Variants in SS18L1 observed in about 807,000 individuals in gnomAD.
SS18L1 encodes SS18L1 subunit of BAF chromatin remodeling complex, also known as calcium-responsive transactivator.
A neutral mutation model predicts 70.3 loss-of-function variants in SS18L1; 32 were observed. The observed-to-expected ratio is 0.46, with a 90% CI of 0.34 to 0.61. SS18L1 has a LOEUF of 0.61. SS18L1 is among the 20% of genes least tolerant of loss of function. The probability of loss-of-function intolerance (pLI) is 0.01; values close to 1 mark genes in which losing one functional copy is unlikely to be tolerated. For missense variants in SS18L1, 430 were observed against 542.1 expected, an observed-to-expected ratio of 0.79 and a Z score of 2.05; for synonymous variants, 237 against 229.7, an observed-to-expected ratio of 1.03 and a Z score of -0.29.
chr20:62,172,602 C>A (rs1601051246), intron 8 of SS18L1, 80 bp from the exon 9 acceptor site: 1 of 1,599,638 alleles, frequency 6.3e-7, no homozygotes. Context: ...TCCAAAGTTA[C>A]CGTGTCGTGA....
At chr20:62,163,780 C>G (rs1022649027) in intron 6 of SS18L1, among the ~76,000 whole-genome samples, 158 bp downstream of exon 6, 77 of 151,844 alleles carry the variant, frequency 5.1e-4, no homozygotes, top group African/African-American at 1.8e-3. Flanking sequence ...AGTGTGGACC[C>G]TGGGGGTGAG....
At chr20:62,150,850 A>G (rs1421316657) in intron 1 of SS18L1, among the ~76,000 whole-genome samples, 1 of 151,492 alleles carries the variant, frequency 6.6e-6, no homozygotes. Context: ...AAACGTTATC[A>G]GGTGTGTGCA....
intron 1 of SS18L1, among the ~76,000 whole-genome samples, chr20:62,145,886 T>C (rs1203270399): frequency 1.3e-5 from 2 of 152,178 alleles, no homozygotes; most frequent in South Asian, 2.1e-4. Flanking sequence ...GTGTCCACAG[T>C]GTGTGCTGGT....
rs1418671307 is a variant in SS18L1 at position 62,158,130 on chromosome 20, T to C, written c.70-542T>C. On this transcript the variant is annotated intron_variant, in intron 1 of 10. Transcript: ENST00000331758. This position sits in a 1 kb window ranked among gnomAD's most constrained non-coding sequence, Gnocchi z 4.5. ...CTCTTGTGGGGTGCCCACAGGGTCC[T>C]GACATCCTTGCCATCGGCTTGGCTG... Among the ~76,000 whole-genome samples the C allele has an allele frequency of 6.6e-6, 1 of 152,162 alleles. No individual in the cohort carries two copies. Among genetic ancestry groups the C allele is most frequent in the African/African-American group, 2.4e-5 (1 of 41,434 alleles).
intron 8 of SS18L1, among the ~76,000 whole-genome samples, chr20:62,168,510 A>G (rs2057474270): frequency 6.6e-6 from 1 of 152,018 alleles, no homozygotes; most frequent in Admixed American, 6.6e-5. Flanking sequence ...GGCCGGGTGC[A>G]GTGGCTCCCA....
chr20:62,163,351 C>A, intron 5 of SS18L1, 107 bp from the exon 6 acceptor site: 1 of 1,508,988 alleles, frequency 6.6e-7, no homozygotes, highest in South Asian at 1.2e-5. Context: ...TCGTGGGGAG[C>A]ACAGGAAAAT....
intron 8 of SS18L1, among the ~76,000 whole-genome samples, chr20:62,166,137 G>C (rs934759846): frequency 6.6e-6 from 1 of 152,210 alleles, no homozygotes; most frequent in African/African-American, 2.4e-5. Flanking sequence ...TGTGGAGTTG[G>C]GAAGAGGTAC....
chr20:62,179,095 C>T (rs1263947025), intron 10 of SS18L1, 87 bp from the exon 11 acceptor site: 1 of 1,477,782 alleles, frequency 6.8e-7, no homozygotes, highest in East Asian at 2.3e-5. Context: ...TGTTGTCCCT[C>T]CTACCCCCTG....
At chr20:62,155,752 G>A (rs906990048) in intron 1 of SS18L1, among the ~76,000 whole-genome samples, 1 of 152,182 alleles carries the variant, frequency 6.6e-6, no homozygotes, top group Non-Finnish European at 1.5e-5. Context: ...GCCTTGTGGG[G>A]CTTCGCAGCA....
intron 1 of SS18L1, among the ~76,000 whole-genome samples, chr20:62,153,553 G>A (rs1484164303): frequency 6.6e-6 from 1 of 152,106 alleles, no homozygotes; most frequent in East Asian, 1.9e-4. Context: ...CTCGGGGGTT[G>A]GATCTGCCTC....
rs772462311 is a variant in SS18L1 at position 62,158,932 on chromosome 20, C to G, written c.146+184C>G. 6.3e-7 allele frequency: 1 copy of G among 1,591,188 alleles called. No homozygotes were observed. Among genetic ancestry groups the G allele is most frequent in the Admixed American group, 1.7e-5 (1 of 59,496 alleles). On this transcript the variant is annotated intron_variant, in intron 2 of 10. Coordinates refer to ENST00000331758, the MANE Select transcript of SS18L1 (RefSeq NM_198935.3). The surrounding 1 kb of genome is among the most constrained non-coding windows in gnomAD (Gnocchi z 4.5). ...AGGCCAGATATGTCCCAGGAGTCCC[C>G]CAGCACGGAGGTCAGATATGTCCCG...
Position 62,159,028 on chromosome 20 carries a change from A to T in SS18L1, c.146+280A>T. 1 of 1,455,392 alleles carries T rather than the reference A, an allele frequency of 6.9e-7. No homozygotes were observed. The allele number at this position is 1,455,392 out of a possible 1,614,324, so 90.2% of individuals were successfully genotyped here. On this transcript the variant is annotated intron_variant, in intron 2 of 10. Transcript: ENST00000331758. The surrounding 1 kb of genome is among the most constrained non-coding windows in gnomAD (Gnocchi z 4.4). Reference sequence around the variant, plus strand: ...GCACGGAGGCCAGATATGTCCCGAGAGTCCCCCAGCACGGAGGCCAGATAT... The same window carrying T: ...GCACGGAGGCCAGATATGTCCCGAGTGTCCCCCAGCACGGAGGCCAGATAT...
At chr20:62,145,566 A>G (rs1237119337) in intron 1 of SS18L1, among the ~76,000 whole-genome samples, 3 of 152,218 alleles carry the variant, frequency 2.0e-5, no homozygotes, top group Non-Finnish European at 4.4e-5. Flanking sequence ...TGCACTTCGC[A>G]CACAGTTCCA....
At chr20:62,157,092 C>G (rs946229002) in intron 1 of SS18L1, among the ~76,000 whole-genome samples, 2 of 152,152 alleles carry the variant, frequency 1.3e-5, no homozygotes, top group African/African-American at 4.8e-5. Flanking sequence ...CCACCCAGTG[C>G]TGCCCCCAGG....
At chr20:62,148,169 A>T (rs2057065795) in intron 1 of SS18L1, among the ~76,000 whole-genome samples, 1 of 152,244 alleles carries the variant, frequency 6.6e-6, no homozygotes, top group African/African-American at 2.4e-5. Context: ...GGGTCCCCTC[A>T]TTCCGGAGCC....
chr20:62,165,159 G>T (rs1277139139), intron 7 of SS18L1, among the ~76,000 whole-genome samples: 1 of 152,234 alleles, frequency 6.6e-6, no homozygotes, highest in Non-Finnish European at 1.5e-5. Context: ...TGGCTGTGTG[G>T]CAGGCACTGA....
chr20:62,162,903 G>T lies in SS18L1; in HGVS notation c.528G>T (p.Arg176=), dbSNP rs1402707153. The T allele has an allele frequency of 6.2e-7, 1 of 1,612,740 alleles. No homozygotes were observed. The highest frequency in any genetic ancestry group is 8.5e-7 in the Non-Finnish European group (1 of 1,179,960). The stretch of plus-strand genomic sequence containing the variant: ...GCACCATCGGCAACTACGTGTCTCG[G>T]ACCAACATCAACATGCAGTCCAACC... ...GQGTIGNYVS[R]TNINMQSNPV... Residue 176 remains arginine (R), a synonymous_variant, in exon 5 of 11, where the codon CGG becomes CGT. Transcript: ENST00000331758.
At chr20:62,160,086 G>C in intron 3 of SS18L1, 125 bp downstream of exon 3, 1 of 959,504 alleles carries the variant, frequency 1.0e-6, no homozygotes, top group Non-Finnish European at 1.5e-6. Context: ...AATACCACTA[G>C]AGCCACCAGA....
chr20:62,162,177 T>G (rs1228985277), intron 4 of SS18L1, among the ~76,000 whole-genome samples: 1 of 152,206 alleles, frequency 6.6e-6, no homozygotes, highest in Non-Finnish European at 1.5e-5. Flanking sequence ...GAAGTGAGCC[T>G]TGTTCATGCC....
Sources: gnomAD v4.1 joint callset for allele counts (sites outside exome capture counted in the v4.1 genomes callset) on GRCh38, gnomAD v4.1.1 for gene constraint, Gnocchi (gnomAD v3.1) non-coding constraint, MANE v1.5 for transcripts, NCBI Gene and HGNC (gene_info 2026-07-23, HGNC 2026-07-21) for gene names.